Variants in SH2D4B observed in about 807,000 individuals in gnomAD.
SH2D4B encodes SH2 domain-containing protein 4B.
A neutral mutation model predicts 61.5 loss-of-function variants in SH2D4B; 45 were observed. That is an observed-to-expected ratio of 0.73 (90% CI 0.58 to 0.94). SH2D4B has a LOEUF of 0.94. Ranked by LOEUF, SH2D4B falls within the 40% of genes least tolerant of loss-of-function variation. SH2D4B has a pLI of 0.00. For synonymous variants in SH2D4B, 224 were observed against 220.4 expected (o/e 1.02, Z -0.14); for missense variants, 572 against 574.2 (o/e 1.00, Z 0.04).
At chr10:80,575,137 T>G (rs1842109886) in intron 3 of SH2D4B, among the ~76,000 whole-genome samples, 1 of 151,658 alleles carries the variant, frequency 6.6e-6, no homozygotes, top group South Asian at 2.1e-4. Flanking sequence ...TACTCATATA[T>G]TCTCCATTTA....
At chr10:80,548,839 C>G (rs1841717113) in intron 1 of SH2D4B, among the ~76,000 whole-genome samples, 1 of 152,190 alleles carries the variant, frequency 6.6e-6, no homozygotes, top group Non-Finnish European at 1.5e-5. Context: ...GGAGTCTCAG[C>G]AATGGGGGGT....
chr10:80,572,507 T>C (rs1842059949), intron 3 of SH2D4B, among the ~76,000 whole-genome samples: 1 of 152,176 alleles, frequency 6.6e-6, no homozygotes, highest in Non-Finnish European at 1.5e-5. Context: ...CAGTTGTCAA[T>C]ATACTCATGG....
intron 4 of SH2D4B, among the ~76,000 whole-genome samples, chr10:80,589,027 G>A (rs528319906): frequency 6.6e-5 from 10 of 150,460 alleles, no homozygotes; most frequent in Admixed American, 6.6e-5. Flanking sequence ...TTTTTGAGAC[G>A]AAGTCTTGCT....
chr10:80,603,682 C>G lies in SH2D4B; in HGVS notation c.747C>G (p.Val249=). The change falls in exon 5 of 8, where the codon GTC becomes GTG. Residue 249 remains valine (V), a synonymous_variant. Transcript: ENST00000646907. ...HSLRAIQKGT[V]AGLSSMFREL... The stretch of plus-strand genomic sequence containing the variant: ...TCCGTGCTATCCAGAAGGGCACGGT[C>G]GCTGGCCTCAGCTCCATGTTCCGGG... 3 of 1,612,062 alleles carry G rather than the reference C, an allele frequency of 1.9e-6. No individual in the cohort carries two copies. Among genetic ancestry groups the G allele is most frequent in the Non-Finnish European group, 2.5e-6 (3 of 1,179,414 alleles).
intron 3 of SH2D4B, among the ~76,000 whole-genome samples, chr10:80,572,984 A>ATTTTTTTTTTT (rs1283153702): frequency 4.3e-3 from 36 of 8,296 alleles, no homozygotes; most frequent in Middle Eastern, 0.083. Context: ...ATATATATAT[A>ATTTTTTTTTTT]TATTTTTTTT....
At chr10:80,595,476 C>T (rs1287123749) in intron 4 of SH2D4B, among the ~76,000 whole-genome samples, 2 of 152,186 alleles carry the variant, frequency 1.3e-5, no homozygotes, top group Non-Finnish European at 2.9e-5. Flanking sequence ...TCCCTGGTCC[C>T]CTGAATCTTC....
intron 4 of SH2D4B, among the ~76,000 whole-genome samples, chr10:80,593,456 C>T (rs76798493): frequency 0.01 from 1,589 of 152,240 alleles, 22 homozygotes; most frequent in African/African-American, 0.037. Flanking sequence ...CTTTCTGATG[C>T]TATTATAAAT....
intron 1 of SH2D4B, among the ~76,000 whole-genome samples, chr10:80,560,726 T>G (rs1311621762): frequency 1.3e-5 from 2 of 148,976 alleles, no homozygotes; most frequent in Non-Finnish European, 3.0e-5. Flanking sequence ...TTTTTTAGGA[T>G]TTTGTAAGAC....
chr10:80,641,505 C>T (rs571947305), intron 7 of SH2D4B, among the ~76,000 whole-genome samples: 20 of 152,358 alleles, frequency 1.3e-4, no homozygotes, highest in South Asian at 2.1e-4. Flanking sequence ...CAATGGCAGA[C>T]GCCTGAGGGA....
chr10:80,636,705 T>G (rs1315139323), intron 7 of SH2D4B, among the ~76,000 whole-genome samples: 1 of 152,234 alleles, frequency 6.6e-6, no homozygotes, highest in Non-Finnish European at 1.5e-5. Context: ...ATTAGCCCTT[T>G]GTCAGATGGG....
chr10:80,558,214 T>C (rs1274485782), intron 1 of SH2D4B, among the ~76,000 whole-genome samples: 1 of 152,218 alleles, frequency 6.6e-6, no homozygotes, highest in African/African-American at 2.4e-5. Context: ...ACACACATGA[T>C]TTCAAATATT....
In SH2D4B at chr10:80,644,883, T is replaced by G. The variant is rs963437389; in HGVS notation, c.*798T>G. On this transcript the variant is annotated 3_prime_UTR_variant, in exon 8 of 8. Coordinates refer to ENST00000646907, the MANE Select transcript of SH2D4B (RefSeq NM_001388272.1). ...CTGCTCTCTGGGATGTGGCCCTCTC[T>G]ATGCAGGTTACTCCAATGATTAGCT... 2 of 152,256 alleles carry G rather than the reference T, an allele frequency of 1.3e-5. No individual in the cohort carries two copies. Among genetic ancestry groups the G allele is most frequent in the Admixed American group, 6.5e-5 (1 of 15,284 alleles). The allele number at this position is 152,256 out of a possible 1,614,324, so 9.4% of individuals were successfully genotyped here.
In SH2D4B at chr10:80,646,207, G is replaced by C. The variant is rs1840393287; in HGVS notation, c.*2122G>C. The C allele has an allele frequency of 6.6e-6, 1 of 152,536 alleles. No homozygotes were observed. The highest frequency in any genetic ancestry group is 1.5e-5 in the Non-Finnish European group (1 of 68,030). The allele number at this position is 152,536 out of a possible 1,614,324, so 9.4% of individuals were successfully genotyped here. On this transcript the variant is annotated 3_prime_UTR_variant, in exon 8 of 8. Coordinates refer to ENST00000646907, the MANE Select transcript of SH2D4B (RefSeq NM_001388272.1). ...AGTGCTTAGCCCATGATGTATCAGG[G>C]GATATGATGTGATGATTTTCAAGGT...
At position 80,641,857 on chromosome 10, in the gene SH2D4B, A is replaced by C. The variant is rs191484326; in HGVS notation, c.1210-2136A>C. Among the ~76,000 whole-genome samples, 672 of 152,316 alleles carry C rather than the reference A, an allele frequency of 4.4e-3. 1 individual carries two copies. The highest frequency in any genetic ancestry group is 6.9e-3 in the Non-Finnish European group (471 of 68,026). On this transcript the variant is annotated intron_variant, in intron 7 of 7. Coordinates refer to ENST00000646907, the MANE Select transcript of SH2D4B (RefSeq NM_001388272.1). ...AGAGATATCATTTATGCCAATGTGGAGATCTGGTGGCCAACTTCTATCAAT... is the reference window on the plus strand; with the variant it reads ...AGAGATATCATTTATGCCAATGTGGCGATCTGGTGGCCAACTTCTATCAAT...
In SH2D4B at chr10:80,582,266, T is replaced by G. The variant is rs149207177; in HGVS notation, c.496-6364T>G. Among the ~76,000 whole-genome samples, 764 of 152,168 alleles carry G rather than the reference T, an allele frequency of 5.0e-3. 8 individuals are homozygous for G. The highest frequency in any genetic ancestry group is 0.018 in the African/African-American group (728 of 41,508). ...GGGAGCAGGAGGGAAACGGGGAGAT[T>G]AAGGAAAGGTCTGAATTCTGAATGG... On this transcript the variant is annotated intron_variant, in intron 3 of 7. Transcript: ENST00000646907.
chr10:80,560,838 T>G lies in SH2D4B; in HGVS notation c.185-9316T>G, dbSNP rs116611656. Among the ~76,000 whole-genome samples, 1,361 of 151,986 alleles carry G rather than the reference T, an allele frequency of 9.0e-3. 17 individuals are homozygous for G. The highest frequency in any genetic ancestry group is 0.031 in the African/African-American group (1,278 of 41,454). On this transcript the variant is annotated intron_variant, in intron 1 of 7. Coordinates refer to ENST00000646907, the MANE Select transcript of SH2D4B (RefSeq NM_001388272.1). ...GAGGTCTTCAAGGTCAACACTATTT[T>G]CACAATAACACTAAGAGGTTATTTA... is the stretch of plus-strand genomic sequence containing the variant.
In SH2D4B at chr10:80,635,574, G is replaced by A. The variant is rs115826277; in HGVS notation, c.1209+1069G>A. Among the ~76,000 whole-genome samples the A allele has an allele frequency of 4.6e-3, 704 of 152,206 alleles. 7 individuals carry two copies. Among genetic ancestry groups the A allele is most frequent in the African/African-American group, 0.017 (689 of 41,518 alleles). On this transcript the variant is annotated intron_variant, in intron 7 of 7. Transcript: ENST00000646907. ...GAGAATCACCTATTCACAGATACTC[G>A]GGCACTGAGTGTGGAGTACTGCCTG...
intron 1 of SH2D4B, among the ~76,000 whole-genome samples, chr10:80,557,341 T>A (rs1168314532): frequency 6.6e-6 from 1 of 152,146 alleles, no homozygotes; most frequent in Non-Finnish European, 1.5e-5. Flanking sequence ...TTCTGTACTT[T>A]TCTTGAAATG....
At chr10:80,606,506 C>A (rs1207889645) in intron 5 of SH2D4B, among the ~76,000 whole-genome samples, 1 of 151,922 alleles carries the variant, frequency 6.6e-6, no homozygotes, top group African/African-American at 2.4e-5. Flanking sequence ...GCCAGTACAC[C>A]CGGCTAATTT....
Sources: allele counts gnomAD v4.1 joint callset (sites outside exome capture counted in the v4.1 genomes callset), GRCh38; gene constraint gnomAD v4.1.1; transcripts MANE v1.5; gene names NCBI Gene and HGNC (gene_info 2026-07-23, HGNC 2026-07-21).